CHIC2: variants seen among roughly 807,000 people sequenced by gnomAD.
The protein encoded by CHIC2 is cysteine-rich hydrophobic domain-containing protein 2.
In CHIC2, 14 loss-of-function variants were observed where a neutral mutation model predicts 25.9. The observed-to-expected ratio is 0.54, with a 90% CI of 0.36 to 0.85. The LOEUF is 0.85. Ranked by LOEUF, CHIC2 falls within the 40% of genes least tolerant of loss-of-function variation. The pLI is 0.01. For missense variants in CHIC2, 146 were observed against 202.0 expected (o/e 0.72, Z 1.68); for synonymous variants, 70 against 72.0 (o/e 0.97, Z 0.14).
At chr4:54,032,640 C>T (rs1042269166) in intron 3 of CHIC2, among the ~76,000 whole-genome samples, 23 of 152,112 alleles carry the variant, frequency 1.5e-4, no homozygotes, top group African/African-American at 5.6e-4. Context: ...AATTTATATA[C>T]CTAATTACAG....
At chr4:54,030,284 G>A (rs552793733) in intron 3 of CHIC2, among the ~76,000 whole-genome samples, 1 of 152,168 alleles carries the variant, frequency 6.6e-6, no homozygotes, top group South Asian at 2.1e-4. Context: ...TTGGGAGGCC[G>A]AGGCTGGAGG....
At chr4:54,056,620 G>A (rs1034829161) in intron 1 of CHIC2, among the ~76,000 whole-genome samples, 23 of 152,034 alleles carry the variant, frequency 1.5e-4, no homozygotes, top group African/African-American at 4.6e-4. Flanking sequence ...ACTATATATA[G>A]TACATTCACT....
intron 3 of CHIC2, among the ~76,000 whole-genome samples, chr4:54,026,945 T>C (rs1339392409): frequency 6.6e-6 from 1 of 152,174 alleles, no homozygotes. Context: ...ATCGAACTTT[T>C]TTACAGATAT....
At chr4:54,029,540 A>C (rs988570982) in intron 3 of CHIC2, among the ~76,000 whole-genome samples, 1 of 152,236 alleles carries the variant, frequency 6.6e-6, no homozygotes, top group Admixed American at 6.5e-5. Context: ...CATTTCATTC[A>C]TCATTCCTTG....
upstream of CHIC2, among the ~76,000 whole-genome samples, chr4:54,068,957 A>G (rs1163922381): frequency 1.3e-5 from 2 of 152,252 alleles, no homozygotes; most frequent in Non-Finnish European, 2.9e-5. Flanking sequence ...TCGGGGAAAC[A>G]GGTTTACCAG....
chr4:54,023,205 T>C (rs954260591), intron 3 of CHIC2, among the ~76,000 whole-genome samples: 2 of 152,140 alleles, frequency 1.3e-5, no homozygotes, highest in Non-Finnish European at 2.9e-5. Flanking sequence ...TCAAAATTCT[T>C]ACACAAGAGC....
At chr4:54,071,685 T>G in the CHIC2 span, among the ~76,000 whole-genome samples, 15 of 152,300 alleles carry the variant, frequency 9.8e-5, no homozygotes, top group East Asian at 3.9e-4. Flanking sequence ...TTAATAAATA[T>G]TAAATGGGGT....
At chr4:54,041,297 G>C (rs1454541196) in intron 3 of CHIC2, among the ~76,000 whole-genome samples, 1 of 151,918 alleles carries the variant, frequency 6.6e-6, no homozygotes, top group Non-Finnish European at 1.5e-5. Context: ...AACCACATAA[G>C]AGGATTTCAC....
Position 54,064,208 on chromosome 4 carries a change from G to T in CHIC2, c.93C>A (p.Val31=). Residue 31 remains valine, a synonymous_variant, in exon 1 of 6, where the codon GTC becomes GTA. Transcript: ENST00000263921. This position sits in a 1 kb window ranked among gnomAD's most constrained non-coding sequence, Gnocchi z 4.2. ...CGGTGACGTGACCGGAGCCGCGGAC[G>T]ACCACCGGGTCCGGCGAGTACTTGA... ...QLLKYSPDPV[V]VRGSGHVTVF... The T allele has an allele frequency of 6.2e-7, 1 of 1,605,848 alleles. No individual in the cohort carries two copies. The highest frequency in any genetic ancestry group is 2.2e-5 in the East Asian group (1 of 44,448).
In CHIC2 at chr4:54,064,236, A is replaced by C; in HGVS notation, c.65T>G (p.Leu22Arg). The C allele has an allele frequency of 6.2e-7, 1 of 1,609,836 alleles. No homozygotes were observed. Among genetic ancestry groups the C allele is most frequent in the Non-Finnish European group, 8.5e-7 (1 of 1,178,202 alleles). The change falls in exon 1 of 6, where the codon CTG becomes CGG. Residue 22 changes from leucine to arginine, a missense_variant. Leu to Arg is a moderately radical substitution (Grantham distance 102). Transcript: ENST00000263921. The surrounding 1 kb of genome is among the most constrained non-coding windows in gnomAD (Gnocchi z 4.2). Reference protein sequence around the residue: ...EDEERALEEQLLKYSPDPVVV... With the variant: ...EDEERALEEQRLKYSPDPVVV... ...CACCGGGTCCGGCGAGTACTTGAGC[A>C]GCTGCTCCTCCAGGGCCCGCTCCTC...
At chr4:54,069,424 C>T (rs562160393), upstream of CHIC2, among the ~76,000 whole-genome samples, 9 of 152,340 alleles carry the variant, frequency 5.9e-5, no homozygotes, top group South Asian at 2.1e-4. Context: ...CTTCTGTCCC[C>T]GCGGAGTCGG....
intron 3 of CHIC2, among the ~76,000 whole-genome samples, chr4:54,026,144 G>A (rs547678215): frequency 2.0e-5 from 3 of 152,116 alleles, no homozygotes; most frequent in Non-Finnish European, 2.9e-5. Context: ...GATGGAGCTC[G>A]GATCTGAAAC....
At chr4:54,081,737 T>G in the CHIC2 span, among the ~76,000 whole-genome samples, 1 of 151,996 alleles carries the variant, frequency 6.6e-6, no homozygotes, top group African/African-American at 2.4e-5. Context: ...GTTGTTGTTG[T>G]TGTTTTTAGA....
chr4:54,022,285 G>A (rs888904656), intron 3 of CHIC2, among the ~76,000 whole-genome samples: 6 of 152,104 alleles, frequency 3.9e-5, no homozygotes, highest in Non-Finnish European at 7.4e-5. Flanking sequence ...GAAGACCGAC[G>A]CTGCCCGATC....
chr4:54,045,154 T>A (rs1716742938), intron 3 of CHIC2, among the ~76,000 whole-genome samples: 1 of 152,186 alleles, frequency 6.6e-6, no homozygotes, highest in African/African-American at 2.4e-5. Flanking sequence ...GAGGCAATAA[T>A]TAGTAGCTTA....
chr4:54,046,812 A>G (rs1394518082), intron 3 of CHIC2, among the ~76,000 whole-genome samples: 1 of 152,252 alleles, frequency 6.6e-6, no homozygotes, highest in African/African-American at 2.4e-5. Flanking sequence ...ATCTAATTAA[A>G]CTAAAGAGCT....
intron 1 of CHIC2, among the ~76,000 whole-genome samples, chr4:54,053,127 T>A (rs936256671): frequency 2.0e-5 from 3 of 152,224 alleles, no homozygotes; most frequent in African/African-American, 7.2e-5. Context: ...ATTTTTACCA[T>A]CTTTCTCAAT....
At chr4:54,013,437 C>G (rs1441586054) in intron 5 of CHIC2, among the ~76,000 whole-genome samples, 1 of 152,062 alleles carries the variant, frequency 6.6e-6, no homozygotes, top group Non-Finnish European at 1.5e-5. Flanking sequence ...GTTTCTTAAG[C>G]TCCAATGGCT....
intron 1 of CHIC2, among the ~76,000 whole-genome samples, chr4:54,054,027 A>G (rs1717091225): frequency 6.6e-6 from 1 of 152,174 alleles, no homozygotes; most frequent in Admixed American, 6.5e-5. Flanking sequence ...CTGACAAGTG[A>G]TCCGCCCACC....
Sources: gnomAD v4.1 joint callset for allele counts (sites outside exome capture counted in the v4.1 genomes callset) on GRCh38, gnomAD v4.1.1 for gene constraint, Gnocchi (gnomAD v3.1) non-coding constraint, MANE v1.5 for transcripts, NCBI Gene and HGNC (gene_info 2026-07-23, HGNC 2026-07-21) for gene names.